The following TARS1 variants were observed in gnomAD, a reference collection of about 807,000 sequenced individuals.
The protein encoded by TARS1 is threonine--tRNA ligase 1, cytoplasmic.
In TARS1, 57 loss-of-function variants were observed where a neutral mutation model predicts 97.7. The observed-to-expected ratio is 0.58, with a 90% CI of 0.47 to 0.73. The LOEUF (loss-of-function observed/expected upper bound fraction) is 0.73, where lower values mean the gene tolerates loss of function less well. TARS1 is among the 30% of genes least tolerant of loss of function. The probability of loss-of-function intolerance (pLI) is 0.00; values close to 1 mark genes in which losing one functional copy is unlikely to be tolerated. For synonymous variants in TARS1, 312 were observed against 293.7 expected, an observed-to-expected ratio of 1.06 and a Z score of -0.64; for missense variants, 806 against 888.3, an observed-to-expected ratio of 0.91 and a Z score of 1.18.
Position 33,462,207 on chromosome 5 carries a change from A to AT in TARS1, c.1835+9dup, listed in dbSNP as rs769481071. On this transcript the variant is annotated splice_donor_region_variant and intron_variant, in intron 16 of 18. Coordinates refer to ENST00000265112, the MANE Select transcript of TARS1 (RefSeq NM_152295.5). ...CAGAAAACTATGGGGGCAAATGGTA[A>AT]TTTTTGTCACTGTCTTTTTTTTCTG... 1 of 1,609,040 alleles carries AT rather than the reference A, an allele frequency of 6.2e-7. No individual in the cohort carries two copies. The highest frequency in any genetic ancestry group is 8.5e-7 in the Non-Finnish European group (1 of 1,178,296).
At chr5:33,446,520 G>C (rs1189267348) in intron 2 of TARS1, 4 of 455,190 alleles carry the variant, frequency 8.8e-6, no homozygotes, top group African/African-American at 8.0e-5. Context: ...AATTTTAAGT[G>C]GGACATGTGA....
intron 6 of TARS1, 124 bp from the exon 7 acceptor site, chr5:33,455,878 C>A: frequency 1.0e-6 from 1 of 1,004,096 alleles, no homozygotes; most frequent in East Asian, 2.6e-5. Context: ...ACCATTCCTT[C>A]AACATGTTTT....
At chr5:33,440,860 C>G (rs1474757016), upstream of TARS1, 1 of 566,590 alleles carries the variant, frequency 1.8e-6, no homozygotes, top group African/African-American at 1.9e-5. Context: ...CTCTGTCACC[C>G]GAAAAGATTT....
At chr5:33,457,160 G>A (rs1010098935) in intron 8 of TARS1, 97 bp from the exon 9 acceptor site, 3 of 1,406,296 alleles carry the variant, frequency 2.1e-6, no homozygotes, top group African/African-American at 1.4e-5. Flanking sequence ...TGCAGAATGA[G>A]TAACTACTCT....
At chr5:33,459,911 C>T in intron 11 of TARS1, 50 bp downstream of exon 11, 2 of 1,572,976 alleles carry the variant, frequency 1.3e-6, no homozygotes, top group Non-Finnish European at 1.7e-6. Flanking sequence ...TGCTACAATT[C>T]ATCCTGGGTT....
chr5:33,453,180 A>G, intron 3 of TARS1, 109 bp from the exon 4 acceptor site: 1 of 1,250,462 alleles, frequency 8.0e-7, no homozygotes, highest in African/African-American at 1.5e-5. Context: ...AGATACATCA[A>G]TATAAAAAAA....
chr5:33,462,169 A>T lies in TARS1; in HGVS notation c.1801A>T (p.Ile601Phe). Reference protein sequence around the residue: ...RAILGSVERMIAILTENYGGK... With the variant: ...RAILGSVERMFAILTENYGGK... ...CATCTTGGGATCAGTGGAAAGAATG[A>T]TTGCTATCCTCACAGAAAACTATGG... The change falls in exon 16 of 19, where the codon ATT (isoleucine) becomes TTT (phenylalanine). Residue 601 changes from isoleucine to phenylalanine, a missense_variant. Physicochemically the swap from Ile to Phe is conservative, Grantham distance 21 (BLOSUM62 0). Transcript: ENST00000265112. 6.2e-7 allele frequency: 1 copy of T among 1,612,862 alleles called. No individual in the cohort carries two copies. The highest frequency in any genetic ancestry group is 1.1e-5 in the South Asian group (1 of 90,988).
chr5:33,444,577 G>A (rs1741314219), intron 1 of TARS1, among the ~76,000 whole-genome samples: 1 of 152,164 alleles, frequency 6.6e-6, no homozygotes, highest in South Asian at 2.1e-4. Context: ...TCTTGCTTCT[G>A]TGAGCCTTAG....
chr5:33,462,466 G>A (rs1742341373), intron 16 of TARS1, among the ~76,000 whole-genome samples: 2 of 152,182 alleles, frequency 1.3e-5, no homozygotes, highest in African/African-American at 4.8e-5. Flanking sequence ...TTAGGAATTA[G>A]TATTCTGTAA....
At chr5:33,455,142 A>G in intron 5 of TARS1, 76 bp downstream of exon 5, 1 of 1,560,256 alleles carries the variant, frequency 6.4e-7, no homozygotes, top group Non-Finnish European at 8.7e-7. Context: ...AGTTCTCAGT[A>G]AGGGAGGAAT....
In TARS1 at chr5:33,461,856, C is replaced by G. The variant is rs79329976; in HGVS notation, c.1630-50C>G. 2.5e-4 allele frequency: 395 copies of G among 1,593,590 alleles called. 4 individuals are homozygous for G. In the East Asian group the frequency reaches 8.7e-3, roughly 35 times the overall value. ...TCAGCCCTAATCCAACTATTGAGCT[C>G]CACTTTAGTATCACTGGCATTTTAT... is the stretch of plus-strand genomic sequence containing the variant. On this transcript the variant is annotated intron_variant, in intron 14 of 18. Coordinates refer to ENST00000265112, the MANE Select transcript of TARS1 (RefSeq NM_152295.5).
chr5:33,455,646 A>C lies in TARS1; in HGVS notation c.635A>C (p.Glu212Ala). The C allele has an allele frequency of 1.2e-6, 2 of 1,613,268 alleles. No individual in the cohort carries two copies. The highest frequency in any genetic ancestry group is 1.6e-4 in the Middle Eastern group (1 of 6,062). The change falls in exon 6 of 19, where the codon GAA becomes GCA. Residue 212 changes from glutamate (E) to alanine (A), a missense_variant. By Grantham distance (107) the Glu-to-Ala change is moderately radical (BLOSUM62 -1). Coordinates refer to ENST00000265112, the MANE Select transcript of TARS1 (RefSeq NM_152295.5). ...GCTTTGTGTAAGAAAATCATTAAAG[A>C]AAAACAAGCTTTTGAAAGACTGGAA... Reference protein sequence around the residue: ...LEALCKKIIKEKQAFERLEVK... With the variant: ...LEALCKKIIKAKQAFERLEVK...
chr5:33,444,109 C>G (rs1156801954), intron 1 of TARS1, among the ~76,000 whole-genome samples: 1 of 152,054 alleles, frequency 6.6e-6, no homozygotes. Flanking sequence ...CATGTTACAA[C>G]CTGATGATCT....
chr5:33,451,169 G>T (rs1041768882), intron 3 of TARS1, among the ~76,000 whole-genome samples: 1 of 152,120 alleles, frequency 6.6e-6, no homozygotes, highest in African/African-American at 2.4e-5. Context: ...TTTAGCTCTG[G>T]AGTTAAGTCA....
Position 33,448,713 on chromosome 5 carries a change from A to C in TARS1, c.311A>C (p.Gln104Pro), listed in dbSNP as rs1731106358. ...DAESWKTTPY[Q>P]IACGISQGLA... ...GAATCTTGGAAAACTACACCATATCAAATTGCCTGTGGAATTAGGTATAAG... is the reference window on the plus strand; with the variant it reads ...GAATCTTGGAAAACTACACCATATCCAATTGCCTGTGGAATTAGGTATAAG... The change falls in exon 3 of 19, where the codon CAA (glutamine) becomes CCA (proline). Residue 104 changes from glutamine to proline, a missense_variant. Gln to Pro is a moderately conservative substitution (Grantham distance 76). Around this residue, in one of 3 missense-constraint regions of TARS1, gnomAD observed 356 missense variants for 357.8 expected, o/e 0.99. Transcript: ENST00000265112. 1 of 1,613,074 alleles carries C rather than the reference A, an allele frequency of 6.2e-7. No homozygotes were observed. The highest frequency in any genetic ancestry group is 1.3e-5 in the African/African-American group (1 of 74,894).
At position 33,467,784 on chromosome 5, in the gene TARS1, A is replaced by C. The variant is rs1417421632; in HGVS notation, c.*76A>C. 1 of 1,486,988 alleles carries C rather than the reference A, an allele frequency of 6.7e-7. No homozygotes were observed. The highest frequency in any genetic ancestry group is 1.4e-5 in the African/African-American group (1 of 70,422). 92.1% of individuals were successfully genotyped at this position (1,486,988 alleles called of 1,614,324 possible). On this transcript the variant is annotated 3_prime_UTR_variant, in exon 19 of 19. Coordinates refer to ENST00000265112, the MANE Select transcript of TARS1 (RefSeq NM_152295.5). ...GTAAAATTGACTTTGTACTCTGAAA[A>C]CGTCAATTTATATTGAACTTGGAGG...
intron 9 of TARS1, 97 bp downstream of exon 9, chr5:33,457,500 G>C: frequency 7.0e-7 from 1 of 1,425,886 alleles, no homozygotes; most frequent in South Asian, 1.3e-5. Flanking sequence ...ATTTTGTTTT[G>C]AAGAGATGTT....
At chr5:33,452,478 G>T in intron 3 of TARS1, 1 of 1,464,028 alleles carries the variant, frequency 6.8e-7, no homozygotes, top group South Asian at 1.2e-5. Context: ...AGATGACTCT[G>T]ACCTGTACTG....
chr5:33,465,895 A>G (rs1382047260), intron 17 of TARS1: 4 of 152,226 alleles, frequency 2.6e-5, no homozygotes, highest in Admixed American at 2.0e-4. Context: ...GGTTTTACTC[A>G]TGATACTTAA....
Sources: allele counts gnomAD v4.1 joint callset (sites outside exome capture counted in the v4.1 genomes callset), GRCh38; gene constraint gnomAD v4.1.1; regional missense constraint gnomAD v4.1.1; transcripts MANE v1.5; gene names NCBI Gene and HGNC (gene_info 2026-07-23, HGNC 2026-07-21).